The following RGL1 variants were observed in gnomAD, a reference collection of about 807,000 sequenced individuals.
The protein encoded by RGL1 is ral guanine nucleotide dissociation stimulator-like 1.
A neutral mutation model predicts 95.2 loss-of-function variants in RGL1; 24 were observed. The ratio of observed to expected loss-of-function variants is 0.25; its 90% CI spans 0.18 to 0.35. The LOEUF (loss-of-function observed/expected upper bound fraction) is 0.35, where lower values mean the gene tolerates loss of function less well. Among genes scored for constraint, RGL1 ranks in the 10% least tolerant of loss-of-function variants. The pLI, the probability that RGL1 is intolerant of heterozygous loss-of-function variation, is 1.00. For missense variants in RGL1, 715 were observed against 936.3 expected (o/e 0.76, Z 3.08); for synonymous variants, 329 against 344.9 (o/e 0.95, Z 0.51).
intron 1 of RGL1, among the ~76,000 whole-genome samples, chr1:183,730,771 C>G (rs1656584601): frequency 6.6e-6 from 1 of 152,264 alleles, no homozygotes; most frequent in Admixed American, 6.5e-5. Context: ...CCCAGGCAGG[C>G]TGTTGACAGA....
intron 2 of RGL1, among the ~76,000 whole-genome samples, chr1:183,786,214 C>A (rs1660171620): frequency 6.6e-6 from 1 of 152,116 alleles, no homozygotes; most frequent in South Asian, 2.1e-4. Flanking sequence ...CCAGCCTGGG[C>A]AACATAGCAA....
intron 2 of RGL1, among the ~76,000 whole-genome samples, chr1:183,829,880 T>C (rs1435536328): frequency 1.3e-5 from 2 of 152,154 alleles, no homozygotes; most frequent in Non-Finnish European, 2.9e-5. Flanking sequence ...ATCTTATATC[T>C]AAGACAAAAC....
chr1:183,662,505 G>A (rs1281726139), intron 1 of RGL1, among the ~76,000 whole-genome samples: 1 of 151,856 alleles, frequency 6.6e-6, no homozygotes, highest in Non-Finnish European at 1.5e-5. Flanking sequence ...AACTTACAAG[G>A]GATGTGAAGG....
At chr1:183,851,982 C>G (rs1025912450) in intron 3 of RGL1, among the ~76,000 whole-genome samples, 3 of 152,010 alleles carry the variant, frequency 2.0e-5, no homozygotes, top group Non-Finnish European at 4.4e-5. Context: ...GTTTATGGGT[C>G]TCTGACATAA....
intron 2 of RGL1, among the ~76,000 whole-genome samples, chr1:183,817,186 G>A (rs888483745): frequency 2.0e-5 from 3 of 152,158 alleles, no homozygotes; most frequent in Admixed American, 6.5e-5. Flanking sequence ...TTGAACTCAT[G>A]ACCTAATCCC....
intron 1 of RGL1, among the ~76,000 whole-genome samples, chr1:183,728,125 C>T (rs577946914): frequency 6.6e-6 from 1 of 152,262 alleles, no homozygotes; most frequent in Non-Finnish European, 1.5e-5. Flanking sequence ...ACATTGGTCT[C>T]CTGCAGTCAG....
In RGL1 at chr1:183,805,309, T is replaced by C; in HGVS notation, c.12T>C (p.Leu4=). Reference sequence around the variant, plus strand: ...AGAGAAAACTGAGAATGAAATTGCTTTGGCAAGCTAAAATGGTAACGAGAG... The same window carrying C: ...AGAGAAAACTGAGAATGAAATTGCTCTGGCAAGCTAAAATGGTAACGAGAG... The part of the protein sequence containing the change: MKL[L]WQAKMSSIQD... Residue 4 remains leucine (L), a synonymous_variant, in exon 1 of 18, where the codon CTT becomes CTC. Transcript: ENST00000360851. The C allele has an allele frequency of 6.2e-7, 1 of 1,611,950 alleles. No homozygotes were observed. The highest frequency in any genetic ancestry group is 1.1e-5 in the South Asian group (1 of 90,628).
chr1:183,879,049 T>A (rs1666677092), intron 4 of RGL1, among the ~76,000 whole-genome samples: 1 of 152,252 alleles, frequency 6.6e-6, no homozygotes, highest in African/African-American at 2.4e-5. Flanking sequence ...TGGAAGAAAG[T>A]GAAATTATTG....
At chr1:183,829,155 A>T (rs1233994047) in intron 2 of RGL1, among the ~76,000 whole-genome samples, 1 of 152,082 alleles carries the variant, frequency 6.6e-6, no homozygotes, top group Non-Finnish European at 1.5e-5. Context: ...GATTCTGATG[A>T]AGGTGGATCA....
intron 2 of RGL1, among the ~76,000 whole-genome samples, chr1:183,781,240 T>G (rs1038749043): frequency 6.6e-6 from 1 of 152,214 alleles, no homozygotes; most frequent in Non-Finnish European, 1.5e-5. Flanking sequence ...TTCCTTCTCC[T>G]TCCTAACACA....
chr1:183,647,566 G>A, intron 1 of RGL1: 1 of 1,440,178 alleles, frequency 6.9e-7, no homozygotes, highest in South Asian at 1.6e-5. Context: ...TGCTTTTAGT[G>A]CATCAGTTTA....
At chr1:183,904,780 A>G in intron 12 of RGL1, 70 bp from the exon 13 acceptor site, 1 of 1,459,748 alleles carries the variant, frequency 6.9e-7, no homozygotes, top group Non-Finnish European at 9.3e-7. Context: ...TCATGTTGAA[A>G]GATTCTATAT....
At position 183,681,353 on chromosome 1, in the gene RGL1, AAGCCT is replaced by A. The variant is rs1323727695; in HGVS notation, c.-33+44855_-33+44859del. Reference sequence around the variant, plus strand: ...TATTATTTTGAGATACATTCAATCAAAGCCTAGTTTATTGAGAGCTTTTAGCATGA... The same window carrying A: ...TATTATTTTGAGATACATTCAATCAAAGTTTATTGAGAGCTTTTAGCATGA... On this transcript the variant is annotated intron_variant, in intron 1 of 18. Coordinates refer to the RGL1 transcript ENST00000304685. 3.5e-4 allele frequency among the ~76,000 whole-genome samples: 54 copies of A among 152,318 alleles called. 1 individual carries two copies. The highest frequency in any genetic ancestry group is 1.3e-3 in the African/African-American group (54 of 41,572).
At chr1:183,865,471 A>C (rs916390485) in intron 3 of RGL1, among the ~76,000 whole-genome samples, 3 of 152,108 alleles carry the variant, frequency 2.0e-5, no homozygotes, top group African/African-American at 7.2e-5. Flanking sequence ...TAGGGTCCAG[A>C]GCTATTTCCA....
chr1:183,784,194 A>C (rs1660039218), intron 2 of RGL1, among the ~76,000 whole-genome samples: 1 of 152,184 alleles, frequency 6.6e-6, no homozygotes, highest in Admixed American at 6.5e-5. Context: ...AAGGCATTAG[A>C]AGAGATGTGC....
chr1:183,924,440 C>T (rs1488481774), intron 17 of RGL1, among the ~76,000 whole-genome samples: 3 of 151,882 alleles, frequency 2.0e-5, no homozygotes, highest in South Asian at 2.1e-4. Flanking sequence ...CACATGGACA[C>T]AGGGAGGGGA....
At chr1:183,893,882 G>C (rs1667553393) in intron 9 of RGL1, among the ~76,000 whole-genome samples, 1 of 152,172 alleles carries the variant, frequency 6.6e-6, no homozygotes, top group South Asian at 2.1e-4. Flanking sequence ...TGCAGTAAGT[G>C]TTCAGAAGCT....
chr1:183,837,794 G>A (rs994042373), intron 2 of RGL1, among the ~76,000 whole-genome samples: 1 of 152,166 alleles, frequency 6.6e-6, no homozygotes, highest in Non-Finnish European at 1.5e-5. Flanking sequence ...AGGGGTGTTC[G>A]TTTCAGGATG....
intron 4 of RGL1, among the ~76,000 whole-genome samples, chr1:183,867,180 G>T (rs1004128992): frequency 3.0e-4 from 46 of 152,260 alleles, no homozygotes; most frequent in African/African-American, 1.0e-3. Flanking sequence ...GTTTATACAT[G>T]GTATTTAAAG....
Sources: gnomAD v4.1 joint callset for allele counts (sites outside exome capture counted in the v4.1 genomes callset) on GRCh38, gnomAD v4.1.1 for gene constraint, MANE v1.5 for transcripts, NCBI Gene and HGNC (gene_info 2026-07-23, HGNC 2026-07-21) for gene names.